The following HELLS variants were observed in gnomAD, a reference collection of about 807,000 sequenced individuals.
HELLS encodes the protein helicase, lymphoid specific, also known as lymphoid-specific helicase.
Under a neutral mutation model 120.0 loss-of-function variants are expected in HELLS, and 32 were observed. The ratio of observed to expected loss-of-function variants is 0.27; its 90% CI spans 0.20 to 0.36. The LOEUF (loss-of-function observed/expected upper bound fraction) is 0.36, where lower values mean the gene tolerates loss of function less well. Among genes scored for constraint, HELLS ranks in the 10% least tolerant of loss-of-function variants. HELLS has a pLI of 1.00. For synonymous variants in HELLS, 341 were observed against 323.4 expected, an observed-to-expected ratio of 1.05 and a Z score of -0.58; for missense variants, 650 against 993.4, an observed-to-expected ratio of 0.65 and a Z score of 4.65.
intron 21 of HELLS, among the ~76,000 whole-genome samples, chr10:94,597,609 T>G (rs1279733438): frequency 1.3e-5 from 2 of 152,202 alleles, no homozygotes; most frequent in East Asian, 3.8e-4. Context: ...CTCAGCTCAC[T>G]GCAACCTCAG....
At chr10:94,565,522 T>G (rs1049329880) in intron 6 of HELLS, among the ~76,000 whole-genome samples, 5 of 152,062 alleles carry the variant, frequency 3.3e-5, no homozygotes, top group African/African-American at 1.2e-4. Flanking sequence ...AAACCCCATC[T>G]CTACTAAAAA....
chr10:94,613,358 C>G (rs1197670566), exon 10 of HELLS: 1 of 152,150 alleles, frequency 6.6e-6, no homozygotes, highest in Admixed American at 6.5e-5. Context: ...TTATATTAAT[C>G]TCCCAGAATC....
At chr10:94,561,624 C>A (rs1438884339) in intron 4 of HELLS, among the ~76,000 whole-genome samples, 1 of 152,050 alleles carries the variant, frequency 6.6e-6, no homozygotes, top group African/African-American at 2.4e-5. Flanking sequence ...CACCACCATG[C>A]TCAGCTAATT....
chr10:94,559,013 A>AT (rs1843414986), intron 4 of HELLS, among the ~76,000 whole-genome samples: 1 of 152,170 alleles, frequency 6.6e-6, no homozygotes, highest in Admixed American at 6.6e-5. Context: ...CAAGGATTCT[A>AT]TATTTGTGAA....
rs377001089 is a variant in HELLS at position 94,608,959 on chromosome 10, T to C, written c.*2-894T>C. 6.7e-5 allele frequency among the ~76,000 whole-genome samples: 10 copies of C among 148,768 alleles called. No homozygotes were observed. The East Asian group carries it at 1.2e-3, about 18-fold the overall frequency. ...CCCACAATTTTCTTTCAGTACAATA[T>C]AAACATCTTGCAAGCGCTAGCTTGA... is the stretch of plus-strand genomic sequence containing the variant. On this transcript the variant is annotated intron_variant, in intron 9 of 9. Coordinates refer to the HELLS transcript ENST00000371327.
chr10:94,602,990 C>T (rs1040424952), downstream of HELLS, among the ~76,000 whole-genome samples: 4 of 152,160 alleles, frequency 2.6e-5, no homozygotes, highest in African/African-American at 9.7e-5. Flanking sequence ...TCCTCCCTCT[C>T]ACTTTGCTCC....
At chr10:94,601,381 AT>A (rs1406863740) in intron 21 of HELLS, 146 bp from the exon 22 acceptor site, 1 of 534,636 alleles carries the variant, frequency 1.9e-6, no homozygotes, top group Non-Finnish European at 3.3e-6. Flanking sequence ...AATCTTGGTG[AT>A]TAAGGAAGAG....
chr10:94,592,341 G>T (rs763256165), intron 16 of HELLS, 29 bp downstream of exon 16: 8 of 1,581,376 alleles, frequency 5.1e-6, no homozygotes, highest in South Asian at 2.4e-5. Flanking sequence ...ATTTTGGATT[G>T]TTCAATTATT....
chr10:94,547,537 AT>A (rs1465892951), intron 2 of HELLS, among the ~76,000 whole-genome samples: 2 of 152,188 alleles, frequency 1.3e-5, no homozygotes, highest in Non-Finnish European at 2.9e-5. Flanking sequence ...CTTCTTGAAC[AT>A]TTATTAGGAG....
At chr10:94,553,851 A>G (rs1843107769) in intron 2 of HELLS, among the ~76,000 whole-genome samples, 1 of 152,064 alleles carries the variant, frequency 6.6e-6, no homozygotes, top group African/African-American at 2.4e-5. Context: ...CCCGGCCTTC[A>G]ATTGTTTTTT....
At position 94,581,804 on chromosome 10, in the gene HELLS, A is replaced by G. The variant is rs142322185; in HGVS notation, c.1229+282A>G. Reference sequence around the variant, plus strand: ...TGTTACCTTTGTAAAACATTTTAAGATGGATTTTTCTTACTATATCCTCAT... The same window carrying G: ...TGTTACCTTTGTAAAACATTTTAAGGTGGATTTTTCTTACTATATCCTCAT... On this transcript the variant is annotated intron_variant, in intron 11 of 21. Coordinates refer to ENST00000348459, the MANE Select transcript of HELLS (RefSeq NM_018063.5). 2.0e-5 allele frequency among the ~76,000 whole-genome samples: 3 copies of G among 152,318 alleles called. No individual in the cohort carries two copies. The East Asian group carries it at 5.8e-4, about 29-fold the overall frequency.
At chr10:94,603,160 C>T (rs901908024), downstream of HELLS, among the ~76,000 whole-genome samples, 32 of 152,204 alleles carry the variant, frequency 2.1e-4, no homozygotes, top group African/African-American at 7.0e-4. Flanking sequence ...TGCAATGTCT[C>T]ATTTCTTTTA....
intron 12 of HELLS, among the ~76,000 whole-genome samples, chr10:94,586,851 C>G (rs1219231162): frequency 6.6e-6 from 1 of 152,028 alleles, no homozygotes; most frequent in Non-Finnish European, 1.5e-5. Context: ...GCCACCACGC[C>G]TGACTAAATT....
chr10:94,601,712 CT>C lies in HELLS; in HGVS notation c.*96del. The C allele has an allele frequency of 4.6e-6, 3 of 649,934 alleles. No homozygotes were observed. Among genetic ancestry groups the C allele is most frequent in the Non-Finnish European group, 8.0e-6 (3 of 373,398 alleles). 40.3% of individuals were successfully genotyped at this position (649,934 alleles called of 1,614,324 possible). A position where few individuals can be genotyped will look rare whatever the true frequency, so the allele number is the denominator to read the frequency against. ...TTGAAATACTGATTGTCCACTTCAC[CT>C]TTTTTATTATATCAGTTGACATGTA... On this transcript the variant is annotated 3_prime_UTR_variant, in exon 22 of 22. Transcript: ENST00000348459.
At chr10:94,595,087 G>A (rs1257917063) in intron 19 of HELLS, among the ~76,000 whole-genome samples, 2 of 151,648 alleles carry the variant, frequency 1.3e-5, no homozygotes, top group Non-Finnish European at 2.9e-5. Flanking sequence ...AATTAGCTGG[G>A]CTCGGTGGCG....
intron 6 of HELLS, among the ~76,000 whole-genome samples, chr10:94,563,739 T>C (rs559591736): frequency 6.6e-6 from 1 of 152,194 alleles, no homozygotes; most frequent in African/African-American, 2.4e-5. Context: ...ATCTTTTTGC[T>C]TCAGCCTCCC....
intron 6 of HELLS, chr10:94,570,282 G>T (rs1844075565): frequency 6.6e-6 from 1 of 151,904 alleles, no homozygotes; most frequent in South Asian, 2.1e-4. Context: ...TACTTCATTG[G>T]TGGTATTTAT....
At chr10:94,580,150 TATATATATATATAC>T (rs1400236706) in intron 10 of HELLS, among the ~76,000 whole-genome samples, 122 of 53,764 alleles carry the variant, frequency 2.3e-3, no homozygotes, top group African/African-American at 9.5e-3. Context: ...TATATATATA[TATATATATATATAC>T]ACACACACAC....
intron 6 of HELLS, among the ~76,000 whole-genome samples, chr10:94,565,832 G>A (rs1843768218): frequency 1.3e-5 from 2 of 152,138 alleles, no homozygotes; most frequent in African/African-American, 2.4e-5. Flanking sequence ...GTAAAGAAAG[G>A]TAAATGCTGT....
Sources: gnomAD v4.1 joint callset for allele counts (sites outside exome capture counted in the v4.1 genomes callset) on GRCh38, gnomAD v4.1.1 for gene constraint, MANE v1.5 for transcripts, NCBI Gene and HGNC (gene_info 2026-07-23, HGNC 2026-07-21) for gene names.